JARID2: variants seen among roughly 807,000 people sequenced by gnomAD.
The protein encoded by JARID2 is jumonji and AT-rich interaction domain containing 2, also known as protein Jumonji.
Under a neutral mutation model 125.6 loss-of-function variants are expected in JARID2, and 21 were observed. The ratio of observed to expected loss-of-function variants is 0.17; its 90% CI spans 0.12 to 0.24. JARID2 has a LOEUF of 0.24. Among genes scored for constraint, JARID2 ranks in the 10% least tolerant of loss-of-function variants. JARID2 has a pLI of 1.00. For synonymous variants in JARID2, 736 were observed against 661.6 expected (o/e 1.11, Z -1.73); for missense variants, 1,303 against 1,639.6 (o/e 0.79, Z 3.55).
intron 1 of JARID2, among the ~76,000 whole-genome samples, chr6:15,297,398 T>A (rs1761453451): frequency 6.6e-6 from 1 of 152,048 alleles, no homozygotes; most frequent in South Asian, 2.1e-4. Flanking sequence ...TCTACCCGCC[T>A]CGGCCTGGGA....
rs781498881 is a variant in JARID2 at position 15,468,652 on chromosome 6, G to T, written c.604G>T (p.Ala202Ser). 2 of 1,614,114 alleles carry T rather than the reference G, an allele frequency of 1.2e-6. No individual in the cohort carries two copies. The highest frequency in any genetic ancestry group is 1.7e-6 in the Non-Finnish European group (2 of 1,179,988). ...TEDVKTATNN[A>S]SSSCQSTPRK... is the part of the protein sequence containing the mutation. ...AGACGTCAAAACAGCCACCAACAAT[G>T]CTTCATCTTCATGCCAGTCGACCCC... is the stretch of plus-strand genomic sequence containing the variant. Residue 202 changes from alanine to serine, a missense_variant, in exon 5 of 18, where the codon GCT becomes TCT. By Grantham distance (99) the Ala-to-Ser change is moderately conservative (BLOSUM62 1). This residue lies in a region of JARID2 where 651 missense variants were observed against 581.6 expected (regional missense o/e 1.12). Coordinates refer to ENST00000341776, the MANE Select transcript of JARID2 (RefSeq NM_004973.4).
At chr6:15,378,814 G>A (rs909251283) in intron 2 of JARID2, among the ~76,000 whole-genome samples, 13 of 152,258 alleles carry the variant, frequency 8.5e-5, no homozygotes, top group African/African-American at 3.1e-4. Flanking sequence ...AAAATCATTT[G>A]TTTTTACCAT....
At chr6:15,507,046 G>T in intron 9 of JARID2, 90 bp from the exon 10 acceptor site, 1 of 791,572 alleles carries the variant, frequency 1.3e-6, no homozygotes. Flanking sequence ...TGTGCACCAG[G>T]CATTCGTGTC....
At chr6:15,355,568 A>G (rs542483397) in intron 1 of JARID2, among the ~76,000 whole-genome samples, 15 of 151,728 alleles carry the variant, frequency 9.9e-5, no homozygotes, top group African/African-American at 3.1e-4. Flanking sequence ...TAAAGAGTAC[A>G]GTTCATAGAC....
chr6:15,373,147 TA>T (rs558023897), intron 1 of JARID2, among the ~76,000 whole-genome samples: 65 of 152,240 alleles, frequency 4.3e-4, no homozygotes, highest in Non-Finnish European at 8.1e-4. Flanking sequence ...CATCTATTAA[TA>T]AAAACTATAG....
At chr6:15,413,408 T>A (rs1268684878) in intron 3 of JARID2, among the ~76,000 whole-genome samples, 1 of 152,192 alleles carries the variant, frequency 6.6e-6, no homozygotes, top group Non-Finnish European at 1.5e-5. Flanking sequence ...ATTGTTGTAG[T>A]TTGTTTCGTG....
chr6:15,389,347 T>G (rs143817401), intron 2 of JARID2, among the ~76,000 whole-genome samples: 1 of 152,156 alleles, frequency 6.6e-6, no homozygotes, highest in African/African-American at 2.4e-5. Flanking sequence ...TTGGTAGAGA[T>G]GGGGTGTCAC....
At chr6:15,381,021 CATTTATTATT>C (rs1340806236) in intron 2 of JARID2, among the ~76,000 whole-genome samples, 4 of 151,808 alleles carry the variant, frequency 2.6e-5, no homozygotes, top group Admixed American at 6.6e-5. Context: ...TTATCATTAT[CATTTATTATT>C]ATTTATTATT....
chr6:15,478,521 C>G, intron 5 of JARID2, among the ~76,000 whole-genome samples: 1 of 151,532 alleles, frequency 6.6e-6, no homozygotes, highest in South Asian at 2.1e-4. Flanking sequence ...TCTGGTCTAA[C>G]TCGCATGTGC....
At chr6:15,250,975 C>T (rs1759426089) in intron 1 of JARID2, among the ~76,000 whole-genome samples, 1 of 149,326 alleles carries the variant, frequency 6.7e-6, no homozygotes, top group Non-Finnish European at 1.5e-5. Flanking sequence ...AAGCGTAGTT[C>T]GTTAAAACAC....
At chr6:15,471,434 C>T (rs531600867) in intron 5 of JARID2, among the ~76,000 whole-genome samples, 1 of 152,120 alleles carries the variant, frequency 6.6e-6, no homozygotes, top group Non-Finnish European at 1.5e-5. Flanking sequence ...CATGGAATTA[C>T]CCTCATCTGT....
At chr6:15,360,860 CA>C (rs199994681) in intron 1 of JARID2, among the ~76,000 whole-genome samples, 9 of 151,922 alleles carry the variant, frequency 5.9e-5, no homozygotes, top group East Asian at 3.8e-4. Context: ...CCTTGTTAGC[CA>C]AAAAAAGGCA....
At chr6:15,381,079 C>T (rs1323118406) in intron 2 of JARID2, among the ~76,000 whole-genome samples, 6 of 151,618 alleles carry the variant, frequency 4.0e-5, no homozygotes, top group South Asian at 2.1e-4. Context: ...ATGGGCCGGG[C>T]GCGGTGGCTC....
intron 1 of JARID2, among the ~76,000 whole-genome samples, chr6:15,289,552 A>G (rs1581374750): frequency 9.5e-6 from 1 of 105,284 alleles, no homozygotes; most frequent in South Asian, 3.3e-4. Flanking sequence ...TTTAAATTGT[A>G]AAAAAAAAAA....
chr6:15,264,702 T>C (rs1352182732), intron 1 of JARID2, among the ~76,000 whole-genome samples: 1 of 152,110 alleles, frequency 6.6e-6, no homozygotes, highest in Admixed American at 6.5e-5. Flanking sequence ...TTTTAAACTT[T>C]GCATTGTTTA....
chr6:15,381,650 G>C (rs954319188), intron 2 of JARID2, among the ~76,000 whole-genome samples: 7 of 152,322 alleles, frequency 4.6e-5, no homozygotes, highest in African/African-American at 1.7e-4. Flanking sequence ...TGGGCTCTTT[G>C]TCTTTCAGCT....
At chr6:15,400,889 TC>T in intron 2 of JARID2, 2 of 1,288,126 alleles carry the variant, frequency 1.6e-6, no homozygotes, top group South Asian at 2.5e-5. Context: ...ACTGCGCTCT[TC>T]CTCCCTCCCT....
chr6:15,509,861 A>G (rs1771190640), intron 12 of JARID2, among the ~76,000 whole-genome samples: 2 of 152,198 alleles, frequency 1.3e-5, no homozygotes, highest in African/African-American at 4.8e-5. Context: ...CATTGACAGG[A>G]GAGAAAGAAA....
intron 4 of JARID2, among the ~76,000 whole-genome samples, chr6:15,454,643 ATTT>A (rs34961974): frequency 1.4e-5 from 2 of 141,744 alleles, no homozygotes; most frequent in Admixed American, 7.0e-5. Context: ...ACACCCAGCA[ATTT>A]TTTTTTTTTT....
Sources: gnomAD v4.1 joint callset for allele counts (sites outside exome capture counted in the v4.1 genomes callset) on GRCh38, gnomAD v4.1.1 for gene constraint, gnomAD v4.1.1 regional missense constraint, MANE v1.5 for transcripts, NCBI Gene and HGNC (gene_info 2026-07-23, HGNC 2026-07-21) for gene names.